Variants in SLCO3A1 observed in about 807,000 individuals in gnomAD.
The protein encoded by SLCO3A1 is PGE1 transporter.
In SLCO3A1, 27 loss-of-function variants were observed where a neutral mutation model predicts 63.1. That is an observed-to-expected ratio of 0.43 (90% confidence interval 0.32 to 0.59). The LOEUF (loss-of-function observed/expected upper bound fraction) is 0.59, where lower values mean the gene tolerates loss of function less well. Among genes scored for constraint, SLCO3A1 ranks in the 20% least tolerant of loss-of-function variants. SLCO3A1 has a pLI of 0.09. For synonymous variants in SLCO3A1, 473 were observed against 409.9 expected, an observed-to-expected ratio of 1.15 and a Z score of -1.86; for missense variants, 773 against 945.8, an observed-to-expected ratio of 0.82 and a Z score of 2.40.
At position 92,159,908 on chromosome 15, in the gene SLCO3A1, C is replaced by T. The variant is rs530876163; in HGVS notation, c.1754-2848C>T. Among the ~76,000 whole-genome samples, 12 of 152,134 alleles carry T rather than the reference C, an allele frequency of 7.9e-5. No homozygotes were observed. In the East Asian group the frequency reaches 2.3e-3, roughly 29 times the overall value. On this transcript the variant is annotated intron_variant, in intron 9 of 9. Transcript: ENST00000318445. ...TTAACAATTATTAACGAATTTGGTT[C>T]CTTTATGTTGCAAATTTCCTTTGAT...
intron 2 of SLCO3A1, among the ~76,000 whole-genome samples, chr15:91,943,855 A>T (rs1302379865): frequency 6.6e-6 from 1 of 152,090 alleles, no homozygotes; most frequent in African/African-American, 2.4e-5. Context: ...GCTGGATTCC[A>T]ATGACCTGGT....
intron 3 of SLCO3A1, among the ~76,000 whole-genome samples, chr15:92,095,753 G>A (rs1189117695): frequency 2.6e-5 from 4 of 152,162 alleles, no homozygotes; most frequent in Admixed American, 2.6e-4. Flanking sequence ...GGCTCATCGT[G>A]GTGACCTGTA....
At position 91,854,155 on chromosome 15, in the gene SLCO3A1, C is replaced by A; in HGVS notation, c.180+67C>A. 1 of 1,286,408 alleles carries A rather than the reference C, an allele frequency of 7.8e-7. No homozygotes were observed. 79.7% of individuals were successfully genotyped at this position (1,286,408 alleles called of 1,614,324 possible). On this transcript the variant is annotated intron_variant, in intron 1 of 9. Transcript: ENST00000318445. This position sits in a 1 kb window ranked among gnomAD's most constrained non-coding sequence, Gnocchi z 6.4. The stretch of plus-strand genomic sequence containing the variant: ...CCCGGCTCTCGAGCGGCCGCCTGGC[C>A]CGACGAGGGGGCCGCCCGGCGCTGG...
chr15:92,086,627 T>C (rs1567111908), intron 2 of SLCO3A1, among the ~76,000 whole-genome samples: 2 of 152,208 alleles, frequency 1.3e-5, no homozygotes, highest in Non-Finnish European at 1.5e-5. Flanking sequence ...AAGTTGTTAA[T>C]TGTAATGTAG....
chr15:92,158,369 T>C (rs1482671006), intron 9 of SLCO3A1, among the ~76,000 whole-genome samples: 1 of 152,188 alleles, frequency 6.6e-6, no homozygotes, highest in East Asian at 1.9e-4. Flanking sequence ...AAGTCTGAAT[T>C]AGAAGGAAGG....
At chr15:92,016,161 C>A (rs2046423408) in intron 2 of SLCO3A1, among the ~76,000 whole-genome samples, 1 of 150,862 alleles carries the variant, frequency 6.6e-6, no homozygotes, top group African/African-American at 2.4e-5. Flanking sequence ...TGGGAGATAG[C>A]AAACCAGGTC....
chr15:92,110,037 G>A (rs941543542), intron 4 of SLCO3A1, among the ~76,000 whole-genome samples: 1 of 152,154 alleles, frequency 6.6e-6, no homozygotes, highest in African/African-American at 2.4e-5. Context: ...ATCAGGCTGG[G>A]GCCCGTGTAA....
In SLCO3A1 at chr15:92,107,635, G is replaced by A. The variant is rs149931640; in HGVS notation, c.1009+3093G>A. Among the ~76,000 whole-genome samples the A allele has an allele frequency of 1.8e-3, 279 of 152,312 alleles. 1 individual carries two copies. Among genetic ancestry groups the A allele is most frequent in the African/African-American group, 6.4e-3 (265 of 41,564 alleles). On this transcript the variant is annotated intron_variant, in intron 4 of 9. Coordinates refer to ENST00000318445, the MANE Select transcript of SLCO3A1 (RefSeq NM_013272.4). ...CATGTTGCAATTTCTCATCCGTTTT[G>A]TCTGAGCTTCCAAATGGGTTTCTTC... is the stretch of plus-strand genomic sequence containing the variant.
rs187009972 is a variant in SLCO3A1 at position 92,133,094 on chromosome 15, A to G, written c.1512+4605A>G. Among the ~76,000 whole-genome samples the G allele has an allele frequency of 1.6e-4, 23 of 145,578 alleles. No individual in the cohort carries two copies. The East Asian group carries it at 3.1e-3, about 20-fold the overall frequency. ...ATTGTCATGAGGCGCTGCCCTATGC[A>G]CTGTGTTTTTACCAGCATCCCTGGG... On this transcript the variant is annotated intron_variant, in intron 7 of 9. Coordinates refer to ENST00000318445, the MANE Select transcript of SLCO3A1 (RefSeq NM_013272.4).
chr15:92,064,767 A>T (rs901523247), intron 2 of SLCO3A1, among the ~76,000 whole-genome samples: 3 of 152,232 alleles, frequency 2.0e-5, no homozygotes, highest in Admixed American at 1.3e-4. Flanking sequence ...TAAGCCAGGC[A>T]CAAAAACAAA....
In SLCO3A1 at chr15:91,875,354, C is replaced by T. The variant is rs965438178; in HGVS notation, c.180+21266C>T. ...CTCCCACTGTGGATCATGGTCTCCT[C>T]CCCCAGCTCCATGGCATGATGTTGG... On this transcript the variant is annotated intron_variant, in intron 1 of 9. Transcript: ENST00000318445. The surrounding 1 kb of genome is among the most constrained non-coding windows in gnomAD (Gnocchi z 4.5). 6.6e-6 allele frequency among the ~76,000 whole-genome samples: 1 copy of T among 152,176 alleles called. No individual in the cohort carries two copies. The highest frequency in any genetic ancestry group is 2.1e-4 in the South Asian group (1 of 4,820).
intron 7 of SLCO3A1, among the ~76,000 whole-genome samples, chr15:92,142,698 C>CAAG (rs1440593697): frequency 3.9e-5 from 6 of 152,152 alleles, no homozygotes; most frequent in African/African-American, 1.4e-4. Flanking sequence ...TGAACATAGA[C>CAAG]AAGGACACAT....
Position 92,148,343 on chromosome 15 carries a change from A to G in SLCO3A1, c.1688+1184A>G, listed in dbSNP as rs2387685. On this transcript the variant is annotated intron_variant, in intron 8 of 9. Coordinates refer to ENST00000318445, the MANE Select transcript of SLCO3A1 (RefSeq NM_013272.4). ...CCCAGTGTCCATGCACCTCACCTCT[A>G]CTTTATCCAGCTTCTCTCTCACTTT... is the stretch of plus-strand genomic sequence containing the variant. 0.033 allele frequency among the ~76,000 whole-genome samples: 4,952 copies of G among 152,298 alleles called. 490 individuals are homozygous for G. In the East Asian group the frequency reaches 0.36, roughly 11 times the overall value.
intron 2 of SLCO3A1, among the ~76,000 whole-genome samples, chr15:92,001,727 C>T (rs1395429348): frequency 6.6e-6 from 1 of 151,814 alleles, no homozygotes; most frequent in African/African-American, 2.4e-5. Flanking sequence ...TTAAAGATCT[C>T]TATCCCAACC....
chr15:92,156,576 C>T (rs982925640), intron 9 of SLCO3A1, among the ~76,000 whole-genome samples: 2 of 152,214 alleles, frequency 1.3e-5, no homozygotes, highest in African/African-American at 2.4e-5. Context: ...GTAGCTCCTG[C>T]AGACTCTCCA....
chr15:91,957,871 G>A (rs554018328), intron 2 of SLCO3A1, among the ~76,000 whole-genome samples: 7 of 152,174 alleles, frequency 4.6e-5, no homozygotes, highest in Non-Finnish European at 1.0e-4. Flanking sequence ...ATTCAGTTCA[G>A]TGCTATATTC....
At chr15:92,019,479 G>C (rs999604821) in intron 2 of SLCO3A1, among the ~76,000 whole-genome samples, 1 of 152,144 alleles carries the variant, frequency 6.6e-6, no homozygotes, top group Non-Finnish European at 1.5e-5. Flanking sequence ...GTTAATCACT[G>C]CCATGGCCAA....
At chr15:92,045,209 G>T (rs1567085558) in intron 2 of SLCO3A1, among the ~76,000 whole-genome samples, 1 of 151,496 alleles carries the variant, frequency 6.6e-6, no homozygotes, top group Non-Finnish European at 1.5e-5. Flanking sequence ...GAACCTGGGA[G>T]GCGGAGGTTC....
intron 2 of SLCO3A1, among the ~76,000 whole-genome samples, chr15:92,000,403 T>TAA (rs56354930): frequency 7.2e-6 from 1 of 138,262 alleles, no homozygotes; most frequent in Non-Finnish European, 1.5e-5. Context: ...CCTTTTTTTT[T>TAA]AAAAAAAAAA....
Sources: gnomAD v4.1 joint callset for allele counts (sites outside exome capture counted in the v4.1 genomes callset) on GRCh38, gnomAD v4.1.1 for gene constraint, Gnocchi (gnomAD v3.1) non-coding constraint, MANE v1.5 for transcripts, NCBI Gene and HGNC (gene_info 2026-07-23, HGNC 2026-07-21) for gene names.